CDKL1: variants seen among roughly 807,000 people sequenced by gnomAD.
CDKL1 encodes the protein cyclin dependent kinase like 1.
CDKL1 carries 41 observed loss-of-function variants against 42.0 expected under a neutral mutation model. The observed-to-expected ratio is 0.98, with a 90% CI of 0.76 to 1.27. CDKL1 has a LOEUF of 1.27. Ranked by LOEUF, CDKL1 falls within the 50% of genes most tolerant of loss-of-function variation. The pLI, the probability that CDKL1 is intolerant of heterozygous loss-of-function variation, is 0.00. For synonymous variants in CDKL1, 153 were observed against 158.6 expected, an observed-to-expected ratio of 0.96 and a Z score of 0.26; for missense variants, 394 against 428.4, an observed-to-expected ratio of 0.92 and a Z score of 0.71.
At chr14:50,351,016 T>C (rs1220905802) in intron 3 of CDKL1, among the ~76,000 whole-genome samples, 1 of 152,142 alleles carries the variant, frequency 6.6e-6, no homozygotes, top group Admixed American at 6.6e-5. Flanking sequence ...GCCTGCTTTG[T>C]GAATTTTGTT....
At chr14:50,388,315 G>C (rs1398643252) in intron 2 of CDKL1, among the ~76,000 whole-genome samples, 5 of 152,254 alleles carry the variant, frequency 3.3e-5, no homozygotes, top group African/African-American at 1.2e-4. Flanking sequence ...TTAGCATTTA[G>C]TGGATGTGGC....
intron 3 of CDKL1, among the ~76,000 whole-genome samples, chr14:50,356,876 T>C (rs1204076906): frequency 2.6e-5 from 4 of 152,232 alleles, no homozygotes; most frequent in Non-Finnish European, 5.9e-5. Context: ...ATATATAACA[T>C]ATTTTGGCCA....
At chr14:50,377,345 CG>C (rs903117317) in intron 2 of CDKL1, among the ~76,000 whole-genome samples, 1 of 152,154 alleles carries the variant, frequency 6.6e-6, no homozygotes, top group Non-Finnish European at 1.5e-5. Flanking sequence ...TCCTCTCTTC[CG>C]TTCCTTGGGC....
chr14:50,336,190 C>T, intron 7 of CDKL1: 1 of 1,357,248 alleles, frequency 7.4e-7, no homozygotes, highest in Non-Finnish European at 9.8e-7. Flanking sequence ...AGCAGGCCTC[C>T]CTCTGTCAGG....
intron 2 of CDKL1, among the ~76,000 whole-genome samples, chr14:50,377,250 T>C (rs1196037881): frequency 6.6e-6 from 1 of 152,148 alleles, no homozygotes. Flanking sequence ...TGCTGAGGTG[T>C]GGGATGCTGC....
At chr14:50,339,075 A>G (rs1161747094) in intron 6 of CDKL1, 46 bp from the exon 7 acceptor site, 2 of 1,237,088 alleles carry the variant, frequency 1.6e-6, no homozygotes, top group African/African-American at 1.5e-5. Flanking sequence ...GTTAGCAAAC[A>G]CTGATCTATG....
intron 2 of CDKL1, among the ~76,000 whole-genome samples, chr14:50,388,829 G>A (rs1595377334): frequency 6.6e-6 from 1 of 152,148 alleles, no homozygotes; most frequent in African/African-American, 2.4e-5. Flanking sequence ...GCTGGGTGTG[G>A]TGGCTCATGC....
intron 2 of CDKL1, among the ~76,000 whole-genome samples, chr14:50,360,388 C>T: frequency 6.6e-6 from 1 of 152,090 alleles, no homozygotes; most frequent in Non-Finnish European, 1.5e-5. Context: ...CTGCCAAATA[C>T]CATTCCACTT....
At chr14:50,332,908 T>C (rs990809391) in intron 8 of CDKL1, 1 of 297,940 alleles carries the variant, frequency 3.4e-6, no homozygotes, top group Non-Finnish European at 6.1e-6. Flanking sequence ...AGCTACTTTT[T>C]TTTTTTTTTT....
chr14:50,374,821 G>A (rs141980265), intron 2 of CDKL1, among the ~76,000 whole-genome samples: 10 of 152,242 alleles, frequency 6.6e-5, no homozygotes, highest in East Asian at 3.9e-4. Flanking sequence ...CTTAGATCTC[G>A]TTTTTTGATA....
chr14:50,389,065 C>T (rs1282274498), intron 2 of CDKL1, among the ~76,000 whole-genome samples: 2 of 140,692 alleles, frequency 1.4e-5, no homozygotes, highest in African/African-American at 5.3e-5. Context: ...CGCTATTGCA[C>T]TCCAGCCTGG....
intron 2 of CDKL1, among the ~76,000 whole-genome samples, chr14:50,391,602 C>T (rs1056082745): frequency 6.6e-6 from 1 of 152,154 alleles, no homozygotes; most frequent in African/African-American, 2.4e-5. Context: ...ATGTTGGCCT[C>T]AAGCTCCCGA....
chr14:50,384,069 G>C (rs2035002939), intron 2 of CDKL1, among the ~76,000 whole-genome samples: 3 of 152,202 alleles, frequency 2.0e-5, no homozygotes, highest in Admixed American at 2.0e-4. Flanking sequence ...TGAACCAATA[G>C]GGAGAGATAA....
intron 7 of CDKL1, among the ~76,000 whole-genome samples, chr14:50,338,636 T>C (rs568819483): frequency 2.6e-5 from 4 of 152,258 alleles, no homozygotes; most frequent in Non-Finnish European, 4.4e-5. Flanking sequence ...TTTACCTTGA[T>C]AGGTCTAGGT....
rs996774373 is a variant in CDKL1 at position 50,358,579 on chromosome 14, T to C, written c.290+449A>G. On this transcript the variant is annotated intron_variant, in intron 3 of 9. Coordinates refer to ENST00000395834, the MANE Select transcript of CDKL1 (RefSeq NM_004196.7). ...TTTGTAACATTTTTTGTAATCTTTC[T>C]GCTGTCCACCTTGGCAGCAGAGTAT... Among the ~76,000 whole-genome samples the C allele has an allele frequency of 4.6e-5, 7 of 151,308 alleles. 1 individual carries two copies. The highest frequency in any genetic ancestry group is 1.0e-4 in the Non-Finnish European group (7 of 67,758).
intron 2 of CDKL1, among the ~76,000 whole-genome samples, chr14:50,386,852 G>T (rs1391489871): frequency 6.6e-6 from 1 of 151,774 alleles, no homozygotes; most frequent in Non-Finnish European, 1.5e-5. Context: ...AGACCAGCCT[G>T]GCCATCTCTA....
chr14:50,380,987 A>G (rs746519323), intron 2 of CDKL1, among the ~76,000 whole-genome samples: 1 of 152,032 alleles, frequency 6.6e-6, no homozygotes, highest in Non-Finnish European at 1.5e-5. Flanking sequence ...TAAAGGACAA[A>G]TTGTTGCACC....
intron 3 of CDKL1, among the ~76,000 whole-genome samples, chr14:50,347,876 C>T (rs1327172723): frequency 6.6e-6 from 1 of 152,198 alleles, no homozygotes; most frequent in Non-Finnish European, 1.5e-5. Flanking sequence ...CCCACAAGGG[C>T]ACCTGAGTTG....
chr14:50,336,315 T>C (rs1001932621), intron 7 of CDKL1: 2 of 1,168,062 alleles, frequency 1.7e-6, no homozygotes, highest in African/African-American at 1.6e-5. Context: ...TGGGAAGCCA[T>C]GGGAAGCTTC....
Sources: gnomAD v4.1 joint callset for allele counts (sites outside exome capture counted in the v4.1 genomes callset) on GRCh38, gnomAD v4.1.1 for gene constraint, MANE v1.5 for transcripts, NCBI Gene and HGNC (gene_info 2026-07-23, HGNC 2026-07-21) for gene names.